TNIK: variants seen among roughly 807,000 people sequenced by gnomAD.
TNIK encodes TRAF2 and NCK interacting kinase.
Under a neutral mutation model 191.3 loss-of-function variants are expected in TNIK, and 49 were observed. That is an observed-to-expected ratio of 0.26 (90% CI 0.20 to 0.32). The LOEUF is 0.32. TNIK is among the 10% of genes least tolerant of loss of function. The pLI, the probability that TNIK is intolerant of heterozygous loss-of-function variation, is 1.00. For missense variants in TNIK, 1,155 were observed against 1,702.3 expected, an observed-to-expected ratio of 0.68 and a Z score of 5.66; for synonymous variants, 594 against 600.9, an observed-to-expected ratio of 0.99 and a Z score of 0.17.
chr3:171,433,503 A>C (rs1219005882), intron 1 of TNIK, among the ~76,000 whole-genome samples: 1 of 152,192 alleles, frequency 6.6e-6, no homozygotes, highest in Admixed American at 6.5e-5. Flanking sequence ...TTATATTAAT[A>C]AAAATCAAAA....
chr3:171,198,226 G>A (rs1457251828), intron 4 of TNIK, among the ~76,000 whole-genome samples: 3 of 150,768 alleles, frequency 2.0e-5, no homozygotes, highest in Non-Finnish European at 4.4e-5. Context: ...TTGCACCACT[G>A]TGCTCCAGCC....
chr3:171,382,212 A>T (rs1718122819), intron 1 of TNIK, among the ~76,000 whole-genome samples: 1 of 140,064 alleles, frequency 7.1e-6, no homozygotes, highest in Non-Finnish European at 1.5e-5. Context: ...AGGTTGTTGA[A>T]TACATCTTTT....
chr3:171,360,657 GT>G (rs1445718792), intron 2 of TNIK, among the ~76,000 whole-genome samples: 1 of 152,182 alleles, frequency 6.6e-6, no homozygotes, highest in African/African-American at 2.4e-5. Context: ...TTCACCTCAG[GT>G]TATTGACCCT....
chr3:171,295,734 T>A (rs74368489), intron 2 of TNIK, among the ~76,000 whole-genome samples: 1 of 152,336 alleles, frequency 6.6e-6, no homozygotes, highest in East Asian at 1.9e-4. Flanking sequence ...GTCCTAGCAA[T>A]GTGTGGCCAC....
chr3:171,244,464 TACTC>T (rs1334448178), intron 2 of TNIK, among the ~76,000 whole-genome samples: 3 of 152,226 alleles, frequency 2.0e-5, no homozygotes, highest in African/African-American at 4.8e-5. Context: ...TTCTCAAACA[TACTC>T]ACTTATTCTG....
At chr3:171,454,604 C>A (rs1728584915) in intron 1 of TNIK, among the ~76,000 whole-genome samples, 1 of 152,132 alleles carries the variant, frequency 6.6e-6, no homozygotes, top group South Asian at 2.1e-4. Context: ...CCAGCACACC[C>A]TACTTTTTAT....
chr3:171,083,530 T>G (rs1431913306), intron 26 of TNIK, among the ~76,000 whole-genome samples: 1 of 152,184 alleles, frequency 6.6e-6, no homozygotes, highest in Non-Finnish European at 1.5e-5. Flanking sequence ...TCATCATGCC[T>G]CTCCTGAGTT....
intron 1 of TNIK, chr3:171,439,734 T>C (rs1045686792): frequency 2.6e-5 from 4 of 152,234 alleles, no homozygotes; most frequent in African/African-American, 9.7e-5. Context: ...CATTTCAGTA[T>C]AGTTCTTGGA....
chr3:171,389,944 G>A (rs1272975013), intron 1 of TNIK, among the ~76,000 whole-genome samples: 1 of 152,196 alleles, frequency 6.6e-6, no homozygotes, highest in African/African-American at 2.4e-5. Flanking sequence ...GCAACCTGAT[G>A]TGCCTCTGCA....
At chr3:171,102,892 T>C (rs1007388664) in intron 21 of TNIK, among the ~76,000 whole-genome samples, 1 of 152,224 alleles carries the variant, frequency 6.6e-6, no homozygotes, top group Admixed American at 6.6e-5. Context: ...TAATTTTATT[T>C]TGAGAATACA....
chr3:171,280,651 TAAAAA>T (rs5854412), intron 2 of TNIK, among the ~76,000 whole-genome samples: 3 of 144,116 alleles, frequency 2.1e-5, no homozygotes, highest in African/African-American at 5.1e-5. Flanking sequence ...GTCTCTAAAT[TAAAAA>T]AAAAAAAAAC....
chr3:171,225,661 G>A (rs1406638301), intron 3 of TNIK: 2 of 454,742 alleles, frequency 4.4e-6, no homozygotes, highest in Admixed American at 2.4e-5. Flanking sequence ...TACATGTTCT[G>A]GGAAAAATAA....
At chr3:171,225,981 T>C (rs1190867307) in intron 3 of TNIK, among the ~76,000 whole-genome samples, 1 of 152,170 alleles carries the variant, frequency 6.6e-6, no homozygotes, top group Non-Finnish European at 1.5e-5. Flanking sequence ...TGACTTCAGC[T>C]GAATTGCAAA....
intron 2 of TNIK, among the ~76,000 whole-genome samples, chr3:171,324,881 G>A (rs1204351332): frequency 2.6e-5 from 4 of 151,976 alleles, no homozygotes; most frequent in Non-Finnish European, 5.9e-5. Flanking sequence ...GGCGGATCAC[G>A]AGGTCAGGAG....
intron 2 of TNIK, among the ~76,000 whole-genome samples, chr3:171,362,425 C>T (rs1157638645): frequency 3.9e-5 from 6 of 152,046 alleles, no homozygotes; most frequent in Admixed American, 1.3e-4. Flanking sequence ...TTGCACCATC[C>T]TAATATTTAA....
Position 171,365,161 on chromosome 3 carries a change from C to CTTTTTTTTTTTTTTTTTTTTTTTTT in TNIK, c.123+4434_123+4458dup, listed in dbSNP as rs60887361. Among the ~76,000 whole-genome samples, 20 of 31,934 alleles carry CTTTTTTTTTTTTTTTTTTTTTTTTT rather than the reference C, an allele frequency of 6.3e-4. 6 individuals are homozygous for CTTTTTTTTTTTTTTTTTTTTTTTTT. Among genetic ancestry groups the CTTTTTTTTTTTTTTTTTTTTTTTTT allele is most frequent in the Non-Finnish European group, 9.7e-4 (15 of 15,444 alleles). The allele number at this position is 31,934 out of a possible 152,430, so 20.9% of individuals were successfully genotyped here. ...AAGGACTACACAAAAGGACTACATTCTTTTTTTTTTTTTTTTTTTTTTTTT... is the reference window on the plus strand; with the variant it reads ...AAGGACTACACAAAAGGACTACATTCTTTTTTTTTTTTTTTTTTTTTTTTTTTTTTTTTTTTTTTTTTTTTTTTTT... On this transcript the variant is annotated intron_variant, in intron 2 of 32. Coordinates refer to ENST00000436636, the MANE Select transcript of TNIK (RefSeq NM_015028.4).
At chr3:171,328,506 G>T (rs1268480050) in intron 2 of TNIK, among the ~76,000 whole-genome samples, 3 of 152,110 alleles carry the variant, frequency 2.0e-5, no homozygotes, top group Non-Finnish European at 4.4e-5. Context: ...TATTGTGGTA[G>T]GTTTACTAAT....
At chr3:171,118,893 TC>T (rs1727204391) in intron 18 of TNIK, among the ~76,000 whole-genome samples, 1 of 152,088 alleles carries the variant, frequency 6.6e-6, no homozygotes, top group South Asian at 2.1e-4. Flanking sequence ...GGACTTCATG[TC>T]TAAAACACCC....
intron 2 of TNIK, among the ~76,000 whole-genome samples, chr3:171,344,345 T>G (rs1300810912): frequency 6.6e-6 from 1 of 152,182 alleles, no homozygotes; most frequent in East Asian, 1.9e-4. Flanking sequence ...ACATTTTTTA[T>G]AGGCTATTGA....
Sources: gnomAD v4.1 joint callset for allele counts (sites outside exome capture counted in the v4.1 genomes callset) on GRCh38, gnomAD v4.1.1 for gene constraint, MANE v1.5 for transcripts, NCBI Gene and HGNC (gene_info 2026-07-23, HGNC 2026-07-21) for gene names.